The following CALCOCO1 variants were observed in gnomAD, a reference collection of about 807,000 sequenced individuals.
CALCOCO1 encodes calcium binding and coiled-coil domain 1.
CALCOCO1 carries 44 observed loss-of-function variants against 86.3 expected under a neutral mutation model. That is an observed-to-expected ratio of 0.51 (90% CI 0.40 to 0.66). The LOEUF is 0.66. CALCOCO1 is among the 30% of genes least tolerant of loss of function. CALCOCO1 has a pLI of 0.00. For missense variants in CALCOCO1, 708 were observed against 851.1 expected, an observed-to-expected ratio of 0.83 and a Z score of 2.09; for synonymous variants, 297 against 327.6, an observed-to-expected ratio of 0.91 and a Z score of 1.01.
At chr12:53,722,927 C>T (rs1213007278) in intron 4 of CALCOCO1, 1 of 350,802 alleles carries the variant, frequency 2.9e-6, no homozygotes, top group Non-Finnish European at 5.3e-6. Flanking sequence ...TCCTGGGTGA[C>T]AGAGCAAGGC....
rs1423100781 is a variant in CALCOCO1, at chr12:53,723,796, G to T, written c.260-13C>A. 1 of 1,610,158 alleles carries T rather than the reference G, an allele frequency of 6.2e-7. No homozygotes were observed. Among genetic ancestry groups the T allele is most frequent in the Non-Finnish European group, 8.5e-7 (1 of 1,177,130 alleles). ...GGCAGGTAGCTGGCTGTGGGAAGAA[G>T]AATGGACCCAGGACCCCAATAATCC... On this transcript the variant is annotated splice_polypyrimidine_tract_variant and intron_variant, in intron 3 of 14. Coordinates refer to ENST00000550804, the MANE Select transcript of CALCOCO1 (RefSeq NM_020898.3).
Position 53,712,105 on chromosome 12 carries a change from T to G in CALCOCO1, c.1915A>C (p.Thr639Pro), listed in dbSNP as rs34281379. The stretch of plus-strand genomic sequence containing the variant: ...CCCCCAGTGCTGGTTTCTGACAGGG[T>G]ACCCACTGTAAAGCCACTAAGAGAG... ...YDMASGFTVG[T>P]LSETSTGGPA... Residue 639 changes from threonine to proline, a missense_variant, in exon 15 of 15, where the codon ACC becomes CCC. Transcript: ENST00000550804. 4,707 of 1,604,330 alleles carry G rather than the reference T, an allele frequency of 2.9e-3. 130 individuals are homozygous for G. The African/African-American group carries it at 0.055, about 19-fold the overall frequency.
rs148746301 is a variant in CALCOCO1, at chr12:53,721,517, G to A, written c.708C>T (p.Asp236=). 45 of 1,613,792 alleles carry A rather than the reference G, an allele frequency of 2.8e-5. No homozygotes were observed. The African/African-American group carries it at 4.5e-4, about 16-fold the overall frequency. The change falls in exon 6 of 15, where the codon GAC becomes GAT. Residue 236 remains aspartate, a synonymous_variant. Coordinates refer to ENST00000550804, the MANE Select transcript of CALCOCO1 (RefSeq NM_020898.3). ...GCACTTTCTCACTGATGGTCTGGATGTCATCCTCTAGCTCCAGGATGCGTG... is the reference window on the plus strand; with the variant it reads ...GCACTTTCTCACTGATGGTCTGGATATCATCCTCTAGCTCCAGGATGCGTG... ...HVARILELED[D]IQTISEKVLT... is the part of the protein sequence containing the mutation.
intron 7 of CALCOCO1, among the ~76,000 whole-genome samples, chr12:53,716,725 C>T (rs1305805244): frequency 6.6e-6 from 1 of 152,182 alleles, no homozygotes; most frequent in Non-Finnish European, 1.5e-5. Flanking sequence ...CCTACAGGCC[C>T]CTTAAACTCA....
At chr12:53,713,045 C>T (rs1277247137) in intron 14 of CALCOCO1, 55 bp downstream of exon 14, 2 of 1,492,550 alleles carry the variant, frequency 1.3e-6, no homozygotes, top group Non-Finnish European at 9.3e-7. Context: ...CACACAGATG[C>T]CCTTTCCCTC....
chr12:53,714,589 G>C lies in CALCOCO1; in HGVS notation c.1482+9C>G. On this transcript the variant is annotated intron_variant, in intron 11 of 14. Coordinates refer to ENST00000550804, the MANE Select transcript of CALCOCO1 (RefSeq NM_020898.3). ...TGGCATCCACGGGGCCTGGGTTATG[G>C]GTGCTCACCTGTTTCTCCTCCTGTA... is the stretch of plus-strand genomic sequence containing the variant. 1 of 1,610,366 alleles carries C rather than the reference G, an allele frequency of 6.2e-7. No individual in the cohort carries two copies. Among genetic ancestry groups the C allele is most frequent in the Non-Finnish European group, 8.5e-7 (1 of 1,176,562 alleles).
chr12:53,712,770 C>G, intron 14 of CALCOCO1: 1 of 1,330,190 alleles, frequency 7.5e-7, no homozygotes, highest in Non-Finnish European at 9.8e-7. Flanking sequence ...ACCCTAGGTA[C>G]CTACCTGGTG....
chr12:53,723,574 T>A lies in CALCOCO1; in HGVS notation c.450+19A>T, dbSNP rs1355487901. ...TCCCACTCCCTTGTCTGGGAATAAC[T>A]CTGTTGCTCTTTTCTCACCTGTAAC... On this transcript the variant is annotated intron_variant, in intron 4 of 14. Transcript: ENST00000550804. 2 of 1,613,900 alleles carry A rather than the reference T, an allele frequency of 1.2e-6. No individual in the cohort carries two copies. Among genetic ancestry groups the A allele is most frequent in the Admixed American group, 3.3e-5 (2 of 60,028 alleles).
At chr12:53,715,349 A>T in intron 9 of CALCOCO1, 24 bp from the exon 10 acceptor site, 2 of 1,611,682 alleles carry the variant, frequency 1.2e-6, no homozygotes, top group Non-Finnish European at 8.5e-7. Flanking sequence ...AAGAAGGAAA[A>T]TGGGAGGGTG....
intron 5 of CALCOCO1, 121 bp downstream of exon 5, chr12:53,721,904 C>T: frequency 8.4e-7 from 1 of 1,187,332 alleles, no homozygotes. Context: ...AACCTATTTC[C>T]TTGATGCCAG....
intron 7 of CALCOCO1, among the ~76,000 whole-genome samples, chr12:53,719,174 A>C (rs895051703): frequency 1.3e-5 from 2 of 151,490 alleles, no homozygotes; most frequent in Non-Finnish European, 2.9e-5. Context: ...GACTTTTCTA[A>C]TGTCTCTAAC....
At chr12:53,723,820 C>G (rs904921310) in intron 3 of CALCOCO1, 37 bp from the exon 4 acceptor site, 2 of 1,588,562 alleles carry the variant, frequency 1.3e-6, no homozygotes, top group Non-Finnish European at 1.7e-6. Context: ...CCCCAATAAT[C>G]CACTGTCCTT....
chr12:53,710,004 GGA>G lies in CALCOCO1; in HGVS notation c.*1938_*1939del, dbSNP rs2120510387. The G allele has an allele frequency of 7.5e-6, 1 of 132,520 alleles. No individual in the cohort carries two copies. Among genetic ancestry groups the G allele is most frequent in the African/African-American group, 2.6e-5 (1 of 38,964 alleles). 8.2% of individuals were successfully genotyped at this position (132,520 alleles called of 1,614,324 possible). On this transcript the variant is annotated 3_prime_UTR_variant, in exon 15 of 15. Coordinates refer to ENST00000550804, the MANE Select transcript of CALCOCO1 (RefSeq NM_020898.3). ...AGTTTATAGGCCAAGAGAGGGAGAGGGAGAGGGGGGAAGGTAAAAGGAGGGAT... is the reference window on the plus strand; with the variant it reads ...AGTTTATAGGCCAAGAGAGGGAGAGGGAGGGGGGAAGGTAAAAGGAGGGAT...
intron 14 of CALCOCO1, chr12:53,712,515 G>A (rs1945591662): frequency 4.4e-6 from 1 of 227,586 alleles, no homozygotes; most frequent in Non-Finnish European, 8.8e-6. Flanking sequence ...GCAAAACCGG[G>A]ACTAGATGAT....
intron 7 of CALCOCO1, 124 bp downstream of exon 7, chr12:53,719,615 G>A: frequency 1.5e-6 from 1 of 670,016 alleles, no homozygotes; most frequent in Non-Finnish European, 2.7e-6. Flanking sequence ...TATGTCTTAT[G>A]TTCCCTAGTA....
intron 2 of CALCOCO1, 137 bp from the exon 3 acceptor site, chr12:53,724,884 G>T: frequency 1.2e-6 from 1 of 829,728 alleles, no homozygotes. Flanking sequence ...GGAAAGTGGA[G>T]GGACACTAAT....
intron 10 of CALCOCO1, 113 bp from the exon 11 acceptor site, chr12:53,714,806 T>C (rs1238216766): frequency 2.8e-6 from 2 of 704,370 alleles, no homozygotes; most frequent in East Asian, 2.7e-5. Flanking sequence ...CTCTGCTTCT[T>C]CCCTGCTCTG....
At chr12:53,721,727 C>T in intron 5 of CALCOCO1, 112 bp from the exon 6 acceptor site, 1 of 1,299,316 alleles carries the variant, frequency 7.7e-7, no homozygotes, top group South Asian at 1.3e-5. Flanking sequence ...ACCTGGCTAT[C>T]ACATTGCCTT....
intron 9 of CALCOCO1, 133 bp downstream of exon 9, chr12:53,715,660 C>A: frequency 8.1e-7 from 1 of 1,231,124 alleles, no homozygotes; most frequent in Admixed American, 2.2e-5. Flanking sequence ...TCCCTCAAAG[C>A]CCCTCTCCAC....
Sources: allele counts gnomAD v4.1 joint callset (sites outside exome capture counted in the v4.1 genomes callset), GRCh38; gene constraint gnomAD v4.1.1; transcripts MANE v1.5; gene names NCBI Gene and HGNC (gene_info 2026-07-23, HGNC 2026-07-21).